Variants in CATSPERE observed in about 807,000 individuals in gnomAD.
The protein encoded by CATSPERE is catsper channel auxiliary subunit epsilon, also known as cation channel sperm-associated auxiliary subunit epsilon.
CATSPERE carries 93 observed loss-of-function variants against 114.1 expected under a neutral mutation model. That is an observed-to-expected ratio of 0.81 (90% CI 0.69 to 0.97). The LOEUF (loss-of-function observed/expected upper bound fraction) is 0.97. CATSPERE is among the 50% of genes least tolerant of loss of function. The pLI, the probability that CATSPERE is intolerant of heterozygous loss-of-function variation, is 0.00. For synonymous variants in CATSPERE, 341 were observed against 384.1 expected, an observed-to-expected ratio of 0.89 and a Z score of 1.31; for missense variants, 1,058 against 1,131.6, an observed-to-expected ratio of 0.93 and a Z score of 0.93.
chr1:244,577,417 CTGTT>C (rs1665448500), intron 11 of CATSPERE, among the ~76,000 whole-genome samples: 1 of 152,306 alleles, frequency 6.6e-6, no homozygotes, highest in Non-Finnish European at 1.5e-5. Context: ...TTATAAGAAA[CTGTT>C]TGAAATCTAT....
intron 8 of CATSPERE, among the ~76,000 whole-genome samples, chr1:244,538,332 A>G (rs913242744): frequency 1.3e-5 from 2 of 152,236 alleles, no homozygotes; most frequent in Admixed American, 6.5e-5. Flanking sequence ...ACAAACCTAT[A>G]AAGTCAAAAA....
At chr1:244,548,599 T>C (rs1660124477) in intron 8 of CATSPERE, among the ~76,000 whole-genome samples, 1 of 152,246 alleles carries the variant, frequency 6.6e-6, no homozygotes. Flanking sequence ...TCCACTCTCA[T>C]GGTATTTCAC....
chr1:244,521,417 A>C (rs1426375901), intron 8 of CATSPERE, among the ~76,000 whole-genome samples: 5 of 152,168 alleles, frequency 3.3e-5, no homozygotes, highest in Non-Finnish European at 1.5e-5. Flanking sequence ...GATCAAGTTG[A>C]TTTATACCAG....
At chr1:244,505,734 T>C (rs1006780858) in intron 7 of CATSPERE, among the ~76,000 whole-genome samples, 2 of 152,004 alleles carry the variant, frequency 1.3e-5, no homozygotes, top group African/African-American at 4.8e-5. Context: ...TGGCTGGGCG[T>C]GGTGGCTCAT....
chr1:244,563,899 T>G (rs1205423773), intron 10 of CATSPERE, among the ~76,000 whole-genome samples: 7 of 152,148 alleles, frequency 4.6e-5, no homozygotes, highest in Non-Finnish European at 1.0e-4. Context: ...GGTCTTAAGT[T>G]TAAGTCTCTA....
chr1:244,459,726 A>C (rs930489413), upstream of CATSPERE, among the ~76,000 whole-genome samples: 1 of 152,238 alleles, frequency 6.6e-6, no homozygotes, highest in African/African-American at 2.4e-5. Flanking sequence ...TACTTTTAAA[A>C]TTGGGAATTG....
At chr1:244,491,597 G>A (rs540527135) in intron 6 of CATSPERE, among the ~76,000 whole-genome samples, 151 of 152,044 alleles carry the variant, frequency 9.9e-4, no homozygotes, top group African/African-American at 3.6e-3. Context: ...CTAAAATCAG[G>A]CAGAACTGAG....
rs369524557 is a variant in CATSPERE, at chr1:244,605,723, G to A, written c.2332G>A (p.Val778Ile). 62 of 1,612,768 alleles carry A rather than the reference G, an allele frequency of 3.8e-5. 3 individuals are homozygous for A. The highest frequency in any genetic ancestry group is 1.6e-4 in the African/African-American group (12 of 74,986). Residue 778 changes from valine (V) to isoleucine (I), a missense_variant, in exon 18 of 22, where the codon GTT becomes ATT. Around this residue, in one of 2 missense-constraint regions of CATSPERE, gnomAD observed 787 missense variants for 905.6 expected, o/e 0.87. Transcript: ENST00000366534. ...TGATGATAATGGCTATGTTAAAGAC[G>A]TTGAAGCAAATTTCATAGTGTGGGA... ...LFDDNGYVKD[V>I]EANFIVWEIH...
At chr1:244,609,497 C>T (rs1433508512) in intron 18 of CATSPERE, among the ~76,000 whole-genome samples, 2 of 151,950 alleles carry the variant, frequency 1.3e-5, no homozygotes, top group African/African-American at 4.8e-5. Flanking sequence ...GTTACAGGTG[C>T]ACGCCACCAC....
intron 20 of CATSPERE, among the ~76,000 whole-genome samples, chr1:244,618,134 A>C (rs1269744920): frequency 6.6e-6 from 1 of 152,256 alleles, no homozygotes; most frequent in Non-Finnish European, 1.5e-5. Flanking sequence ...TATTTTGAGC[A>C]GTAAAAGAAA....
chr1:244,626,408 C>G (rs956258053), intron 20 of CATSPERE, among the ~76,000 whole-genome samples: 1 of 150,704 alleles, frequency 6.6e-6, no homozygotes, highest in African/African-American at 2.5e-5. Flanking sequence ...TCGCTTGAAC[C>G]CAGGAGGTGG....
At chr1:244,552,039 G>A (rs1414192804) in intron 8 of CATSPERE, among the ~76,000 whole-genome samples, 1 of 138,680 alleles carries the variant, frequency 7.2e-6, no homozygotes, top group Non-Finnish European at 1.5e-5. Context: ...ACTCCAGCCT[G>A]GGCGACAGAG....
At chr1:244,481,505 T>TA (rs1004826562) in intron 5 of CATSPERE, among the ~76,000 whole-genome samples, 23 of 152,228 alleles carry the variant, frequency 1.5e-4, no homozygotes, top group African/African-American at 5.5e-4. Context: ...AGCTGAATTG[T>TA]AAAAAAGGAC....
chr1:244,617,738 T>A (rs1049088224), intron 20 of CATSPERE, 52 bp downstream of exon 20: 1 of 1,429,630 alleles, frequency 7.0e-7, no homozygotes. Context: ...TCAAAATCTT[T>A]ATTTTTTTAA....
rs1268200888 is a variant in CATSPERE, at chr1:244,605,782, T to C, written c.2391T>C (p.Asn797=). ...GCAGGGATGACTATAGCTTTAATAA[T>C]ACTATGGCACAGGTATGGCATCTTT... The part of the protein sequence containing the change: ...IHGRDDYSFN[N]TMAQSGCLHE... Residue 797 remains asparagine (N), a synonymous_variant, in exon 18 of 22, where the codon AAT becomes AAC. Transcript: ENST00000366534. 6 of 1,610,632 alleles carry C rather than the reference T, an allele frequency of 3.7e-6. No individual in the cohort carries two copies. Among genetic ancestry groups the C allele is most frequent in the Middle Eastern group, 1.7e-4 (1 of 6,054 alleles).
upstream of CATSPERE, among the ~76,000 whole-genome samples, chr1:244,453,545 G>A (rs1191809357): frequency 1.3e-5 from 2 of 152,180 alleles, no homozygotes; most frequent in Non-Finnish European, 2.9e-5. Flanking sequence ...CTACCTACTC[G>A]TGGTTCAGTG....
At chr1:244,542,713 G>A (rs1659053792) in intron 8 of CATSPERE, among the ~76,000 whole-genome samples, 1 of 151,988 alleles carries the variant, frequency 6.6e-6, no homozygotes, top group Non-Finnish European at 1.5e-5. Context: ...AGACTACCCT[G>A]GATCTAAAGA....
chr1:244,466,415 T>C (rs1220345018), intron 2 of CATSPERE, among the ~76,000 whole-genome samples: 2 of 152,148 alleles, frequency 1.3e-5, no homozygotes, highest in Admixed American at 1.3e-4. Context: ...CCTCAGGGAT[T>C]GTGTGACCTG....
At chr1:244,630,210 T>C (rs1673750374) in intron 20 of CATSPERE, among the ~76,000 whole-genome samples, 1 of 152,168 alleles carries the variant, frequency 6.6e-6, no homozygotes, top group Non-Finnish European at 1.5e-5. Context: ...AAACAAGACT[T>C]GAGCCTCAGT....
Sources: gnomAD v4.1 joint callset for allele counts (sites outside exome capture counted in the v4.1 genomes callset) on GRCh38, gnomAD v4.1.1 for gene constraint, gnomAD v4.1.1 regional missense constraint, MANE v1.5 for transcripts, NCBI Gene and HGNC (gene_info 2026-07-23, HGNC 2026-07-21) for gene names.